The following CDK6 variants were observed in gnomAD, a reference collection of about 807,000 sequenced individuals.
The protein encoded by CDK6 is cyclin dependent kinase 6, also known as cyclin-dependent kinase 6.
Under a neutral mutation model 37.1 loss-of-function variants are expected in CDK6, and 6 were observed. The observed-to-expected ratio is 0.16, with a 90% CI of 0.09 to 0.32. The LOEUF (loss-of-function observed/expected upper bound fraction) is 0.32, where lower values mean the gene tolerates loss of function less well. CDK6 is among the 10% of genes least tolerant of loss of function. CDK6 has a pLI of 1.00. For missense variants in CDK6, 224 were observed against 418.9 expected (o/e 0.53, Z 4.06); for synonymous variants, 160 against 161.3 (o/e 0.99, Z 0.06).
intron 2 of CDK6, among the ~76,000 whole-genome samples, chr7:92,776,991 G>C (rs1264615976): frequency 6.6e-6 from 1 of 152,108 alleles, no homozygotes; most frequent in East Asian, 1.9e-4. Context: ...CTTGTGTCCT[G>C]AATGGTACTG....
chr7:92,830,451 A>T (rs1229826681), intron 2 of CDK6, among the ~76,000 whole-genome samples: 1 of 152,248 alleles, frequency 6.6e-6, no homozygotes, highest in South Asian at 2.1e-4. Context: ...TTATAAAAGC[A>T]TCTGCCCTTT....
At chr7:92,751,480 C>T (rs924267128) in intron 3 of CDK6, among the ~76,000 whole-genome samples, 16 of 151,872 alleles carry the variant, frequency 1.1e-4, no homozygotes, top group African/African-American at 3.4e-4. Context: ...GGAGACTATC[C>T]TAATTCAATG....
intron 4 of CDK6, among the ~76,000 whole-genome samples, chr7:92,677,420 C>G (rs1257474412): frequency 6.6e-6 from 1 of 151,992 alleles, no homozygotes; most frequent in Non-Finnish European, 1.5e-5. Flanking sequence ...GAGTTCAAGA[C>G]CAGCTTGGGC....
At chr7:92,687,149 G>T (rs1797475967) in intron 4 of CDK6, among the ~76,000 whole-genome samples, 1 of 152,168 alleles carries the variant, frequency 6.6e-6, no homozygotes, top group Admixed American at 6.5e-5. Context: ...CTCTGTGAAA[G>T]TCTTCCAGAA....
At chr7:92,756,969 C>T (rs1035932744) in intron 3 of CDK6, among the ~76,000 whole-genome samples, 7 of 152,132 alleles carry the variant, frequency 4.6e-5, no homozygotes, top group African/African-American at 1.4e-4. Flanking sequence ...TAACCCAGAA[C>T]TGAAACACAG....
At chr7:92,735,730 A>T (rs145986464) in intron 3 of CDK6, among the ~76,000 whole-genome samples, 1 of 152,320 alleles carries the variant, frequency 6.6e-6, no homozygotes, top group African/African-American at 2.4e-5. Flanking sequence ...AATAGTCTAT[A>T]GATATGCATT....
At position 92,615,100 on chromosome 7, in the gene CDK6, G is replaced by C. The variant is rs1164024775; in HGVS notation, c.*40C>G. On this transcript the variant is annotated 3_prime_UTR_variant, in exon 8 of 8. Transcript: ENST00000424848. ...GAGGGGGACCCATAAGCCACCAAGG[G>C]TGTTCTCCGCAGGATCAGCTTAAGG... The C allele has an allele frequency of 9.9e-6, 16 of 1,610,288 alleles. No individual in the cohort carries two copies. The highest frequency in any genetic ancestry group is 1.4e-5 in the Non-Finnish European group (16 of 1,178,330).
intron 2 of CDK6, among the ~76,000 whole-genome samples, chr7:92,822,120 C>T (rs1801188437): frequency 6.6e-6 from 1 of 151,852 alleles, no homozygotes. Flanking sequence ...CAGTCACAGC[C>T]CAGAGAATCT....
At chr7:92,633,305 CAG>C (rs1796096741) in intron 5 of CDK6, among the ~76,000 whole-genome samples, 2 of 152,050 alleles carry the variant, frequency 1.3e-5, no homozygotes, top group Admixed American at 1.3e-4. Context: ...GTACAGGAAA[CAG>C]AGCCCACAAC....
intron 2 of CDK6, among the ~76,000 whole-genome samples, chr7:92,831,361 CTATT>C (rs1353740705): frequency 6.6e-6 from 1 of 152,152 alleles, no homozygotes; most frequent in East Asian, 1.9e-4. Context: ...TGGAAGGACA[CTATT>C]CATTCATATA....
intron 2 of CDK6, among the ~76,000 whole-genome samples, chr7:92,780,489 G>A (rs562238775): frequency 4.6e-4 from 70 of 152,020 alleles, no homozygotes; most frequent in African/African-American, 1.4e-3. Flanking sequence ...GGCTGGGCGC[G>A]GTGGCTCACA....
intron 2 of CDK6, among the ~76,000 whole-genome samples, chr7:92,782,813 C>A (rs1800027458): frequency 6.6e-6 from 1 of 152,122 alleles, no homozygotes; most frequent in Non-Finnish European, 1.5e-5. Flanking sequence ...AAAAAATTGT[C>A]CTAAGACATC....
intron 3 of CDK6, among the ~76,000 whole-genome samples, chr7:92,750,487 T>C (rs376201442): frequency 5.3e-5 from 8 of 152,178 alleles, no homozygotes; most frequent in Admixed American, 4.6e-4. Context: ...CTTGCCAGCT[T>C]CTCAAGATTT....
intron 5 of CDK6, among the ~76,000 whole-genome samples, chr7:92,639,640 T>A (rs1450909239): frequency 6.6e-6 from 1 of 152,182 alleles, no homozygotes; most frequent in African/African-American, 2.4e-5. Context: ...CTCCCCTTCC[T>A]TTTCTGTAAA....
intron 5 of CDK6, among the ~76,000 whole-genome samples, chr7:92,643,477 A>T (rs1298713215): frequency 6.6e-6 from 1 of 152,252 alleles, no homozygotes; most frequent in Non-Finnish European, 1.5e-5. Flanking sequence ...CTTACAGTTT[A>T]GGGAGAAAGA....
intron 4 of CDK6, among the ~76,000 whole-genome samples, chr7:92,690,945 C>T (rs1169547363): frequency 6.6e-6 from 1 of 152,150 alleles, no homozygotes; most frequent in African/African-American, 2.4e-5. Flanking sequence ...TGCTATATAT[C>T]TGTATTAACT....
intron 3 of CDK6, among the ~76,000 whole-genome samples, chr7:92,750,695 T>C (rs1283461152): frequency 2.0e-5 from 3 of 152,206 alleles, no homozygotes; most frequent in Non-Finnish European, 4.4e-5. Context: ...TAGTCACCTT[T>C]TGAGACCTGA....
At chr7:92,755,836 C>G (rs138730911) in intron 3 of CDK6, among the ~76,000 whole-genome samples, 18 of 152,266 alleles carry the variant, frequency 1.2e-4, no homozygotes, top group African/African-American at 4.1e-4. Context: ...TGGGAGCCAA[C>G]AGGGTATCTC....
At chr7:92,813,883 G>A (rs1800953533) in intron 2 of CDK6, among the ~76,000 whole-genome samples, 1 of 151,870 alleles carries the variant, frequency 6.6e-6, no homozygotes, top group South Asian at 2.1e-4. Context: ...AGACTTCATA[G>A]GAAAAAAAAG....
Sources: gnomAD v4.1 joint callset for allele counts (sites outside exome capture counted in the v4.1 genomes callset) on GRCh38, gnomAD v4.1.1 for gene constraint, MANE v1.5 for transcripts, NCBI Gene and HGNC (gene_info 2026-07-23, HGNC 2026-07-21) for gene names.